CAMK1D: variants seen among roughly 807,000 people sequenced by gnomAD.
CAMK1D encodes the protein calcium/calmodulin-dependent protein kinase type 1D.
Under a neutral mutation model 47.7 loss-of-function variants are expected in CAMK1D, and 9 were observed. The observed-to-expected ratio is 0.19, with a 90% CI of 0.11 to 0.33. The LOEUF is 0.33. Ranked by LOEUF, CAMK1D falls within the 10% of genes least tolerant of loss-of-function variation. CAMK1D has a pLI of 1.00. For missense variants in CAMK1D, 291 were observed against 488.7 expected (o/e 0.60, Z 3.81); for synonymous variants, 184 against 184.9 (o/e 0.99, Z 0.04).
At chr10:12,514,449 C>T (rs1564383187) in intron 1 of CAMK1D, among the ~76,000 whole-genome samples, 1 of 152,222 alleles carries the variant, frequency 6.6e-6, no homozygotes, top group Non-Finnish European at 1.5e-5. Flanking sequence ...AGCCTAGATG[C>T]TACACACTGC....
At chr10:12,463,511 T>C (rs1833498791) in intron 1 of CAMK1D, among the ~76,000 whole-genome samples, 2 of 152,220 alleles carry the variant, frequency 1.3e-5, no homozygotes. Context: ...TAGTTGTTAG[T>C]AAATTTGGTG....
intron 3 of CAMK1D, among the ~76,000 whole-genome samples, chr10:12,676,449 A>C (rs1352791417): frequency 1.3e-5 from 2 of 152,206 alleles, no homozygotes; most frequent in Non-Finnish European, 2.9e-5. Context: ...TGTCACCATC[A>C]GAAAAGTTGT....
At chr10:12,595,305 G>GCAC (rs1838110462) in intron 2 of CAMK1D, among the ~76,000 whole-genome samples, 1 of 119,434 alleles carries the variant, frequency 8.4e-6, no homozygotes, top group South Asian at 2.8e-4. Context: ...TCACACCATT[G>GCAC]CACTCTGGCC....
intron 4 of CAMK1D, among the ~76,000 whole-genome samples, chr10:12,766,256 GC>G (rs796545084): frequency 6.6e-6 from 1 of 150,878 alleles, no homozygotes; most frequent in Non-Finnish European, 1.5e-5. Flanking sequence ...ACAGGTGTGA[GC>G]CCCCCCTCCT....
chr10:12,746,563 A>G (rs1225658435), intron 3 of CAMK1D, among the ~76,000 whole-genome samples: 1 of 152,124 alleles, frequency 6.6e-6, no homozygotes, highest in African/African-American at 2.4e-5. Context: ...AGCTCCTGGA[A>G]CACCTTCTCT....
intron 1 of CAMK1D, among the ~76,000 whole-genome samples, chr10:12,537,074 C>T (rs1231483284): frequency 6.6e-6 from 1 of 151,688 alleles, no homozygotes; most frequent in Non-Finnish European, 1.5e-5. Flanking sequence ...TTCACTTTTT[C>T]TTCTTCTTTT....
chr10:12,682,176 C>T (rs1401669067), intron 3 of CAMK1D, among the ~76,000 whole-genome samples: 2 of 152,110 alleles, frequency 1.3e-5, no homozygotes, highest in Non-Finnish European at 2.9e-5. Flanking sequence ...GCCGAGATCG[C>T]GTCACTGCAC....
chr10:12,569,556 A>AC (rs1837251874), intron 2 of CAMK1D, among the ~76,000 whole-genome samples: 2 of 146,016 alleles, frequency 1.4e-5, no homozygotes, highest in African/African-American at 2.5e-5. Flanking sequence ...TAAAAATACA[A>AC]AAAAAAAAAA....
chr10:12,704,447 G>C (rs1470612738), intron 3 of CAMK1D, among the ~76,000 whole-genome samples: 2 of 152,086 alleles, frequency 1.3e-5, no homozygotes, highest in East Asian at 3.9e-4. Flanking sequence ...GCTATAGCTG[G>C]CCCTCCCAGA....
At chr10:12,537,871 A>G (rs1049587952) in intron 1 of CAMK1D, among the ~76,000 whole-genome samples, 1 of 152,218 alleles carries the variant, frequency 6.6e-6, no homozygotes, top group Non-Finnish European at 1.5e-5. Context: ...AAATGTTCCA[A>G]CATTTTCATT....
At chr10:12,387,920 C>A (rs1838582131) in intron 1 of CAMK1D, among the ~76,000 whole-genome samples, 1 of 152,164 alleles carries the variant, frequency 6.6e-6, no homozygotes, top group Non-Finnish European at 1.5e-5. Flanking sequence ...CCCCTGCTGG[C>A]GCCCCACCAA....
intron 1 of CAMK1D, among the ~76,000 whole-genome samples, chr10:12,460,189 CCT>C (rs1262761646): frequency 6.6e-6 from 1 of 152,054 alleles, no homozygotes; most frequent in Non-Finnish European, 1.5e-5. Context: ...TAGCAGACAT[CCT>C]CTGTCATTTT....
intron 1 of CAMK1D, among the ~76,000 whole-genome samples, chr10:12,492,857 T>C (rs1319746250): frequency 6.6e-6 from 1 of 152,192 alleles, no homozygotes; most frequent in Non-Finnish European, 1.5e-5. Context: ...GCTCCTTTGC[T>C]GTAGGTGACT....
chr10:12,402,121 T>C (rs1839248873), intron 1 of CAMK1D, among the ~76,000 whole-genome samples: 3 of 152,066 alleles, frequency 2.0e-5, no homozygotes, highest in Admixed American at 2.0e-4. Context: ...CTTGTGTTTT[T>C]AATAGAGACA....
At position 12,505,243 on chromosome 10, in the gene CAMK1D, T is replaced by C. The variant is rs528623669; in HGVS notation, c.93-47982T>C. ...TTGGAGGCCACGTTGGCCATGTGTG[T>C]TAAGAACAGATGGCTCCTGGGAGTC... On this transcript the variant is annotated intron_variant, in intron 1 of 10. Transcript: ENST00000619168. Among the ~76,000 whole-genome samples, 118 of 152,314 alleles carry C rather than the reference T, an allele frequency of 7.7e-4. 2 individuals are homozygous for C. The South Asian group carries it at 0.024, about 31-fold the overall frequency.
intron 6 of CAMK1D, among the ~76,000 whole-genome samples, chr10:12,794,349 A>AG (rs545469951): frequency 9.0e-4 from 137 of 152,218 alleles, no homozygotes; most frequent in African/African-American, 3.0e-3. Flanking sequence ...TGATTTAGGA[A>AG]GGGGGGTGAG....
intron 1 of CAMK1D, among the ~76,000 whole-genome samples, chr10:12,427,520 G>T (rs1175860451): frequency 1.3e-5 from 2 of 151,986 alleles, no homozygotes; most frequent in Non-Finnish European, 2.9e-5. Flanking sequence ...TGGCCTCCCC[G>T]GACAGGGAGA....
In CAMK1D at chr10:12,736,997, C is replaced by T. The variant is rs140641951; in HGVS notation, c.300-23951C>T. 3.9e-5 allele frequency among the ~76,000 whole-genome samples: 6 copies of T among 152,276 alleles called. No individual in the cohort carries two copies. In the East Asian group the frequency reaches 9.7e-4, roughly 24 times the overall value. The stretch of plus-strand genomic sequence containing the variant: ...GGTTGCTTCATTCTAGCTTAGGGAC[C>T]CAAGAGAACAGCGAGCATCCGTTGA... On this transcript the variant is annotated intron_variant, in intron 3 of 10. Coordinates refer to ENST00000619168, the MANE Select transcript of CAMK1D (RefSeq NM_153498.4).
In CAMK1D at chr10:12,712,368, C is replaced by T. The variant is rs561387138; in HGVS notation, c.299+45558C>T. ...ATAATACCAAGCCAGCCTGCAGCAG[C>T]GCCATGGAGGGGCACACAGGGTGAA... On this transcript the variant is annotated intron_variant, in intron 3 of 10. Coordinates refer to ENST00000619168, the MANE Select transcript of CAMK1D (RefSeq NM_153498.4). Among the ~76,000 whole-genome samples, 16 of 152,308 alleles carry T rather than the reference C, an allele frequency of 1.1e-4. No homozygotes were observed. The South Asian group carries it at 1.9e-3, about 18-fold the overall frequency.
Sources: allele counts gnomAD v4.1 joint callset (sites outside exome capture counted in the v4.1 genomes callset), GRCh38; gene constraint gnomAD v4.1.1; transcripts MANE v1.5; gene names NCBI Gene and HGNC (gene_info 2026-07-23, HGNC 2026-07-21).